The following PDE11A variants were observed in gnomAD, a reference collection of about 807,000 sequenced individuals.
PDE11A encodes the protein dual 3',5'-cyclic-AMP and -GMP phosphodiesterase 11A.
PDE11A carries 100 observed loss-of-function variants against 100.5 expected under a neutral mutation model. The observed-to-expected ratio is 1.00, with a 90% CI of 0.85 to 1.18. The LOEUF is 1.18. PDE11A is among the 50% of genes most tolerant of loss of function. PDE11A has a pLI of 0.00. For synonymous variants in PDE11A, 381 were observed against 420.8 expected (o/e 0.91, Z 1.16); for missense variants, 1,141 against 1,152.6 (o/e 0.99, Z 0.15).
chr2:177,910,428 C>A (rs200580454), intron 2 of PDE11A, among the ~76,000 whole-genome samples: 1,529 of 137,536 alleles, frequency 0.011, 14 homozygotes, highest in Admixed American at 0.015. Context: ...CTCTCTCTCT[C>A]TATATATATA....
intron 19 of PDE11A, among the ~76,000 whole-genome samples, chr2:177,646,542 C>T (rs561397527): frequency 6.0e-4 from 91 of 152,330 alleles, no homozygotes; most frequent in Non-Finnish European, 8.8e-4. Flanking sequence ...TGGTTAAGTA[C>T]ACAGCAGAGC....
intron 13 of PDE11A, among the ~76,000 whole-genome samples, chr2:177,705,607 C>CA (rs2081266698): frequency 6.6e-6 from 1 of 152,242 alleles, no homozygotes; most frequent in East Asian, 1.9e-4. Context: ...AAAATGTGTG[C>CA]AAATGTAAAT....
chr2:177,794,812 G>A (rs1558942275), intron 9 of PDE11A, among the ~76,000 whole-genome samples: 1 of 151,338 alleles, frequency 6.6e-6, no homozygotes, highest in Non-Finnish European at 1.5e-5. Flanking sequence ...TTGAGACAGA[G>A]TCTCGCACTG....
At chr2:177,629,915 C>T (rs1429358179) in intron 19 of PDE11A, among the ~76,000 whole-genome samples, 2 of 152,182 alleles carry the variant, frequency 1.3e-5, no homozygotes, top group African/African-American at 4.8e-5. Context: ...GCATCTTTGC[C>T]TGCCACAGAG....
At chr2:178,071,479 C>G (rs1208463512) in intron 1 of PDE11A, 47 bp downstream of exon 1, 2 of 1,612,226 alleles carry the variant, frequency 1.2e-6, no homozygotes, top group Non-Finnish European at 8.5e-7. Flanking sequence ...AGGCTTATCT[C>G]CCAAGCCAAT....
intron 19 of PDE11A, among the ~76,000 whole-genome samples, chr2:177,645,273 C>T (rs1428664191): frequency 2.0e-5 from 3 of 152,224 alleles, no homozygotes; most frequent in African/African-American, 7.2e-5. Flanking sequence ...GCAACCTCCA[C>T]CTCCTGGGTT....
intron 19 of PDE11A, among the ~76,000 whole-genome samples, chr2:177,655,523 CT>C (rs1455784159): frequency 6.6e-6 from 1 of 151,922 alleles, no homozygotes; most frequent in East Asian, 1.9e-4. Flanking sequence ...CCAGCACGTT[CT>C]TTTTTACTTT....
intron 2 of PDE11A, among the ~76,000 whole-genome samples, chr2:177,941,061 T>C (rs760090638): frequency 6.6e-6 from 1 of 152,220 alleles, no homozygotes; most frequent in Non-Finnish European, 1.5e-5. Context: ...CTCCAGGTAA[T>C]GAAAGCGCCT....
intron 2 of PDE11A, among the ~76,000 whole-genome samples, chr2:177,950,867 C>T (rs762899033): frequency 1.3e-5 from 2 of 152,070 alleles, no homozygotes; most frequent in Admixed American, 6.6e-5. Flanking sequence ...GCTGAGATAG[C>T]GGCACTGCAT....
intron 2 of PDE11A, among the ~76,000 whole-genome samples, chr2:177,936,078 AG>A (rs2085268909): frequency 6.6e-6 from 1 of 152,236 alleles, no homozygotes; most frequent in African/African-American, 2.4e-5. Flanking sequence ...CTACCGTCTT[AG>A]GGAACCACAG....
At chr2:177,675,394 G>T in intron 17 of PDE11A, 61 bp downstream of exon 17, 1 of 1,159,526 alleles carries the variant, frequency 8.6e-7, no homozygotes, top group Non-Finnish European at 1.3e-6. Context: ...TGGGAATATT[G>T]TGTCCCCCTT....
chr2:177,968,587 T>G (rs769881209), intron 2 of PDE11A, among the ~76,000 whole-genome samples: 1 of 152,090 alleles, frequency 6.6e-6, no homozygotes, highest in Non-Finnish European at 1.5e-5. Flanking sequence ...ACAATTCAGG[T>G]GAAAATACTC....
intron 10 of PDE11A, 71 bp from the exon 11 acceptor site, chr2:177,728,243 C>T: frequency 1.5e-6 from 2 of 1,368,484 alleles, no homozygotes; most frequent in East Asian, 2.3e-5. Flanking sequence ...GCTCTCCTCC[C>T]CTGCTTATCA....
At chr2:177,631,586 CACACACATATATATGT>C (rs1559117559) in intron 19 of PDE11A, among the ~76,000 whole-genome samples, 7 of 28,382 alleles carry the variant, frequency 2.5e-4, no homozygotes, top group East Asian at 1.6e-3. Flanking sequence ...TATATATATA[CACACACATATATATGT>C]GTGTATATAT....
chr2:178,106,818 G>A (rs2087623013), intron 1 of PDE11A, among the ~76,000 whole-genome samples: 1 of 151,788 alleles, frequency 6.6e-6, no homozygotes, highest in Admixed American at 6.6e-5. Flanking sequence ...AAATTAGCCG[G>A]GTGTGGTGGT....
At chr2:177,830,016 A>G (rs989604799) in intron 6 of PDE11A, among the ~76,000 whole-genome samples, 21 of 152,162 alleles carry the variant, frequency 1.4e-4, no homozygotes, top group African/African-American at 5.1e-4. Context: ...TTGGCTTTGA[A>G]GAAGTAAGCT....
chr2:177,771,705 A>G (rs1387610863), intron 9 of PDE11A, among the ~76,000 whole-genome samples: 1 of 152,238 alleles, frequency 6.6e-6, no homozygotes, highest in Non-Finnish European at 1.5e-5. Context: ...ATTCATAGGT[A>G]TATTTAAAAC....
At chr2:177,658,598 T>C (rs2080426937) in intron 19 of PDE11A, among the ~76,000 whole-genome samples, 1 of 152,024 alleles carries the variant, frequency 6.6e-6, no homozygotes, top group Admixed American at 6.6e-5. Flanking sequence ...CCATTCCATA[T>C]ATATACCCCC....
intron 4 of PDE11A, 70 bp from the exon 5 acceptor site, chr2:177,875,993 C>T: frequency 1.1e-6 from 1 of 888,482 alleles, no homozygotes; most frequent in Non-Finnish European, 1.9e-6. Context: ...ATGTAATAAA[C>T]ATTTTCATCT....
Sources: gnomAD v4.1 joint callset for allele counts (sites outside exome capture counted in the v4.1 genomes callset) on GRCh38, gnomAD v4.1.1 for gene constraint, MANE v1.5 for transcripts, NCBI Gene and HGNC (gene_info 2026-07-23, HGNC 2026-07-21) for gene names.